UBASH3B: variants seen among roughly 807,000 people sequenced by gnomAD.
UBASH3B encodes ubiquitin-associated and SH3 domain-containing protein B.
A neutral mutation model predicts 83.4 loss-of-function variants in UBASH3B; 37 were observed. That is an observed-to-expected ratio of 0.44 (90% CI 0.34 to 0.58). The LOEUF is 0.58. Ranked by LOEUF, UBASH3B falls within the 20% of genes least tolerant of loss-of-function variation. The probability of loss-of-function intolerance (pLI) is 0.01; values close to 1 mark genes in which losing one functional copy is unlikely to be tolerated. For synonymous variants in UBASH3B, 304 were observed against 318.3 expected (o/e 0.96, Z 0.48); for missense variants, 657 against 827.2 (o/e 0.79, Z 2.52).
At chr11:122,781,631 G>A (rs1022749254) in intron 4 of UBASH3B, among the ~76,000 whole-genome samples, 6 of 152,220 alleles carry the variant, frequency 3.9e-5, no homozygotes, top group African/African-American at 9.6e-5. Flanking sequence ...ATGACCCTGC[G>A]CAGCTTAGCT....
chr11:122,665,040 C>G (rs112776177), intron 1 of UBASH3B, among the ~76,000 whole-genome samples: 1 of 152,074 alleles, frequency 6.6e-6, no homozygotes, highest in Non-Finnish European at 1.5e-5. Flanking sequence ...TCCCAAGTAG[C>G]TGGGACTACA....
chr11:122,730,500 A>G (rs369651510), intron 1 of UBASH3B, among the ~76,000 whole-genome samples: 25 of 152,262 alleles, frequency 1.6e-4, no homozygotes, highest in East Asian at 1.4e-3. Flanking sequence ...TCCTAAGCCA[A>G]ACCCCCTCAC....
At chr11:122,677,232 G>T (rs942631663) in intron 1 of UBASH3B, among the ~76,000 whole-genome samples, 2 of 152,164 alleles carry the variant, frequency 1.3e-5, no homozygotes, top group Non-Finnish European at 2.9e-5. Context: ...GGGTGTGCAT[G>T]GGTTATATGC....
chr11:122,669,537 G>A (rs1262341936), intron 1 of UBASH3B, among the ~76,000 whole-genome samples: 3 of 152,156 alleles, frequency 2.0e-5, no homozygotes, highest in Non-Finnish European at 4.4e-5. Context: ...GACAGCTTTG[G>A]TGACTATTAT....
In UBASH3B at chr11:122,707,420, CCT is replaced by C. The variant is rs763538429; in HGVS notation, c.161+51213_161+51214del. Among the ~76,000 whole-genome samples, 3 of 152,272 alleles carry C rather than the reference CCT, an allele frequency of 2.0e-5. No homozygotes were observed. The South Asian group carries it at 6.2e-4, about 32-fold the overall frequency. On this transcript the variant is annotated intron_variant, in intron 1 of 13. Transcript: ENST00000284273. ...CAAGAGAACAAATTTGCCTCTTCCT[CCT>C]CTGGGCTGCCCAAGCACCTTGTTTG...
chr11:122,680,850 A>C (rs1565526898), intron 1 of UBASH3B, among the ~76,000 whole-genome samples: 1 of 152,222 alleles, frequency 6.6e-6, no homozygotes, highest in Non-Finnish European at 1.5e-5. Context: ...AGAGTAAAGG[A>C]TGCGTAAAAG....
At chr11:122,677,485 T>C (rs923251618) in intron 1 of UBASH3B, among the ~76,000 whole-genome samples, 3 of 152,184 alleles carry the variant, frequency 2.0e-5, no homozygotes, top group African/African-American at 7.2e-5. Context: ...CCTGATGCCG[T>C]GCCTCTGGTG....
At position 122,801,207 on chromosome 11, in the gene UBASH3B, C is replaced by T. The variant is rs200148105; in HGVS notation, c.1470C>T (p.His490=). The T allele has an allele frequency of 7.1e-5, 115 of 1,614,166 alleles. No homozygotes were observed. In the Admixed American group the frequency reaches 1.6e-3, roughly 23 times the overall value. ...NILKGLQQEN[H]LKIRVEPGLF... ...CCTAAGGTTTACAACAAGAAAATCA[C>T]TTGAAGATCCGTGTAGAGCCCGGCT... The change falls in exon 11 of 14, where the codon CAC becomes CAT. Residue 490 remains histidine, a synonymous_variant. Transcript: ENST00000284273.
intron 1 of UBASH3B, among the ~76,000 whole-genome samples, chr11:122,718,623 A>T (rs977747307): frequency 9.2e-5 from 14 of 152,196 alleles, no homozygotes; most frequent in Non-Finnish European, 2.1e-4. Flanking sequence ...GCAGGTCCTC[A>T]ATTATAGTAC....
intron 1 of UBASH3B, among the ~76,000 whole-genome samples, chr11:122,749,776 A>G (rs947189148): frequency 6.6e-6 from 1 of 152,152 alleles, no homozygotes; most frequent in Admixed American, 6.6e-5. Flanking sequence ...TCTGTCCCCC[A>G]GGCTGCAATG....
chr11:122,705,118 A>C (rs1259813882), intron 1 of UBASH3B, among the ~76,000 whole-genome samples: 1 of 152,120 alleles, frequency 6.6e-6, no homozygotes, highest in African/African-American at 2.4e-5. Flanking sequence ...TGCCAGCCGG[A>C]CTCATGAGTC....
chr11:122,751,775 C>T (rs927955542), intron 1 of UBASH3B, among the ~76,000 whole-genome samples: 1 of 152,206 alleles, frequency 6.6e-6, no homozygotes, highest in Non-Finnish European at 1.5e-5. Flanking sequence ...CATTAGAATG[C>T]TGATTTTAGG....
chr11:122,669,969 A>T (rs1863571943), intron 1 of UBASH3B, among the ~76,000 whole-genome samples: 1 of 152,210 alleles, frequency 6.6e-6, no homozygotes, highest in African/African-American at 2.4e-5. Context: ...AGCAGAAGGA[A>T]GGAAACTTGA....
At chr11:122,725,333 A>AC (rs1281641909) in intron 1 of UBASH3B, among the ~76,000 whole-genome samples, 1 of 133,286 alleles carries the variant, frequency 7.5e-6, no homozygotes, top group Non-Finnish European at 1.6e-5. Context: ...ATAAACAAAA[A>AC]AAAAAAAAAA....
At chr11:122,765,700 T>C (rs2135124135) in intron 1 of UBASH3B, among the ~76,000 whole-genome samples, 1 of 152,300 alleles carries the variant, frequency 6.6e-6, no homozygotes, top group East Asian at 1.9e-4. Flanking sequence ...CTCAGCCCAT[T>C]GGGTTACTGG....
At chr11:122,778,001 A>G (rs987995331) in intron 3 of UBASH3B, among the ~76,000 whole-genome samples, 1 of 152,138 alleles carries the variant, frequency 6.6e-6, no homozygotes, top group Admixed American at 6.5e-5. Flanking sequence ...AAGTGCTGGG[A>G]TTATAGGCAT....
intron 2 of UBASH3B, 108 bp downstream of exon 2, chr11:122,776,380 C>T (rs975028318): frequency 9.7e-6 from 10 of 1,033,656 alleles, no homozygotes; most frequent in Admixed American, 2.8e-5. Flanking sequence ...CCAGAAGAGA[C>T]AGGAGCCAAA....
chr11:122,657,891 C>T (rs1565519187), intron 1 of UBASH3B, among the ~76,000 whole-genome samples: 1 of 152,038 alleles, frequency 6.6e-6, no homozygotes. Context: ...GCACAGCTCT[C>T]CTTAAAAACT....
chr11:122,802,346 A>G (rs1309185775), intron 11 of UBASH3B, among the ~76,000 whole-genome samples: 1 of 151,368 alleles, frequency 6.6e-6, no homozygotes, highest in Non-Finnish European at 1.5e-5. Flanking sequence ...AGAATTAATA[A>G]TAATATAGTT....
Sources: gnomAD v4.1 joint callset for allele counts (sites outside exome capture counted in the v4.1 genomes callset) on GRCh38, gnomAD v4.1.1 for gene constraint, MANE v1.5 for transcripts, NCBI Gene and HGNC (gene_info 2026-07-23, HGNC 2026-07-21) for gene names.